Variants in NFASC observed in about 807,000 individuals in gnomAD.
NFASC encodes the protein neurofascin, also known as neurofascin homolog.
Under a neutral mutation model 147.5 loss-of-function variants are expected in NFASC, and 43 were observed. The ratio of observed to expected loss-of-function variants is 0.29; its 90% CI spans 0.23 to 0.38. The LOEUF (loss-of-function observed/expected upper bound fraction) is 0.38. Ranked by LOEUF, NFASC falls within the 10% of genes least tolerant of loss-of-function variation. The pLI is 1.00. For missense variants in NFASC, 1,320 were observed against 1,689.0 expected (o/e 0.78, Z 3.83); for synonymous variants, 622 against 665.5 (o/e 0.93, Z 1.01).
rs548994131 is a variant in NFASC, at chr1:204,867,292, C to T, written c.-200+38510C>T. The stretch of plus-strand genomic sequence containing the variant: ...CCCACACAGAAACAGAAATACAATA[C>T]CCATATCCAGATAGGCATATGTGCC... On this transcript the variant is annotated intron_variant, in intron 1 of 29. Coordinates refer to ENST00000339876, the MANE Select transcript of NFASC (RefSeq NM_001005388.3). Among the ~76,000 whole-genome samples, 721 of 152,098 alleles carry T rather than the reference C, an allele frequency of 4.7e-3. 2 individuals are homozygous for T. Among genetic ancestry groups the T allele is most frequent in the Non-Finnish European group, 8.6e-3 (582 of 67,980 alleles).
intron 3 of NFASC, among the ~76,000 whole-genome samples, chr1:204,947,441 G>A (rs2093822174): frequency 6.6e-6 from 1 of 152,202 alleles, no homozygotes; most frequent in African/African-American, 2.4e-5. Context: ...TGCCCCTTCA[G>A]TGGACATTAT....
At chr1:204,951,038 C>T (rs2149937696) in intron 4 of NFASC, among the ~76,000 whole-genome samples, 1 of 152,220 alleles carries the variant, frequency 6.6e-6, no homozygotes, top group South Asian at 2.1e-4. Context: ...TTTATTCATT[C>T]AACAGACATT....
At chr1:204,848,144 C>G (rs1194046427) in intron 1 of NFASC, among the ~76,000 whole-genome samples, 1 of 152,236 alleles carries the variant, frequency 6.6e-6, no homozygotes, top group Non-Finnish European at 1.5e-5. Context: ...CATCCATTCT[C>G]TGTCCAGGAG....
At chr1:204,957,619 A>G (rs775310324) in intron 7 of NFASC, 37 bp from the exon 8 acceptor site, 1 of 1,603,300 alleles carries the variant, frequency 6.2e-7, no homozygotes, top group Non-Finnish European at 8.5e-7. Context: ...TACTGTTATT[A>G]CTACTAACCT....
intron 8 of NFASC, among the ~76,000 whole-genome samples, chr1:204,962,771 C>T (rs1558269507): frequency 6.6e-6 from 1 of 152,180 alleles, no homozygotes; most frequent in Non-Finnish European, 1.5e-5. Context: ...ACCCTCTCAC[C>T]TAGGCCTCTC....
intron 24 of NFASC, among the ~76,000 whole-genome samples, chr1:204,994,065 C>T (rs1438354356): frequency 1.3e-5 from 2 of 152,194 alleles, no homozygotes; most frequent in East Asian, 3.9e-4. Flanking sequence ...ATAGACACAG[C>T]TAATGAGTGG....
In NFASC at chr1:204,873,702, G is replaced by C. The variant is rs577098353; in HGVS notation, c.-200+44920G>C. 3.9e-5 allele frequency among the ~76,000 whole-genome samples: 6 copies of C among 152,332 alleles called. No homozygotes were observed. In the East Asian group the frequency reaches 1.2e-3, roughly 29 times the overall value. Reference sequence around the variant, plus strand: ...CCATTCTGAGGCAATGAAGAAGCCAGAGAAAAGAGCCCCTCAGTGGGCTTG... The same window carrying C: ...CCATTCTGAGGCAATGAAGAAGCCACAGAAAAGAGCCCCTCAGTGGGCTTG... On this transcript the variant is annotated intron_variant, in intron 1 of 29. Coordinates refer to ENST00000339876, the MANE Select transcript of NFASC (RefSeq NM_001005388.3).
At chr1:204,911,060 T>C (rs976652274) in intron 1 of NFASC, among the ~76,000 whole-genome samples, 7 of 152,232 alleles carry the variant, frequency 4.6e-5, no homozygotes, top group African/African-American at 1.7e-4. Context: ...AGTATAATGT[T>C]ATCTGTCTAT....
At chr1:204,864,211 GCT>G (rs2076935814) in intron 1 of NFASC, among the ~76,000 whole-genome samples, 1 of 151,966 alleles carries the variant, frequency 6.6e-6, no homozygotes, top group Non-Finnish European at 1.5e-5. Context: ...CTTTTTTATT[GCT>G]GAATAATATT....
chr1:205,017,576 C>G lies in NFASC; in HGVS notation c.*1037C>G, dbSNP rs1343519121. On this transcript the variant is annotated 3_prime_UTR_variant, in exon 30 of 30. Coordinates refer to ENST00000339876, the MANE Select transcript of NFASC (RefSeq NM_001005388.3). ...GAGTAGAGGGCACCTGTCCACGTGG[C>G]CAGGGCCCATGCTGCCACCCTCGAG... 2 of 152,712 alleles carry G rather than the reference C, an allele frequency of 1.3e-5. No individual in the cohort carries two copies. The highest frequency in any genetic ancestry group is 2.9e-5 in the Non-Finnish European group (2 of 68,086). 9.5% of individuals were successfully genotyped at this position (152,712 alleles called of 1,614,324 possible).
chr1:204,966,164 A>C (rs1323614983), intron 8 of NFASC, among the ~76,000 whole-genome samples: 1 of 152,142 alleles, frequency 6.6e-6, no homozygotes, highest in Non-Finnish European at 1.5e-5. Context: ...CACATCCTAC[A>C]AATGCAATAT....
chr1:204,997,187 C>T lies in NFASC; in HGVS notation c.2800C>T (p.Pro934Ser). Residue 934 changes from proline (P) to serine (S), a missense_variant, in exon 25 of 30, where the codon CCG becomes TCG. Coordinates refer to ENST00000339876, the MANE Select transcript of NFASC (RefSeq NM_001005388.3). ...CCTCTCAGCTCCTCCCACATTGCCC[C>T]CGACTACCGTGGGTGCGACGGGCGC... ...TPTAAPPTLPPTTVGATGAVS... is the reference protein window; with the variant it reads ...TPTAAPPTLPSTTVGATGAVS... 6.2e-7 allele frequency: 1 copy of T among 1,611,772 alleles called. No homozygotes were observed.
intron 2 of NFASC, 23 bp downstream of exon 2, chr1:204,920,763 G>T: frequency 8.5e-7 from 1 of 1,173,360 alleles, no homozygotes; most frequent in Non-Finnish European, 1.1e-6. Context: ...TGGGCCTGGG[G>T]TATGTGTCAT....
intron 27 of NFASC, among the ~76,000 whole-genome samples, chr1:205,008,084 C>T (rs1020030607): frequency 6.6e-6 from 1 of 152,132 alleles, no homozygotes; most frequent in African/African-American, 2.4e-5. Flanking sequence ...GCAGAGGACA[C>T]GTGTTCATCA....
At position 204,835,752 on chromosome 1, in the gene NFASC, C is replaced by T. The variant is rs550542829; in HGVS notation, c.-200+6970C>T. Among the ~76,000 whole-genome samples, 441 of 152,284 alleles carry T rather than the reference C, an allele frequency of 2.9e-3. 6 individuals carry two copies. The highest frequency in any genetic ancestry group is 0.01 in the African/African-American group (419 of 41,546). The stretch of plus-strand genomic sequence containing the variant: ...GTGCTAGTCTTTACTCTTCTAACCT[C>T]GTTGCACTGCTGTCTCCCTGATTTG... On this transcript the variant is annotated intron_variant, in intron 1 of 29. Transcript: ENST00000339876.
intron 12 of NFASC, among the ~76,000 whole-genome samples, 195 bp from the exon 13 acceptor site, chr1:204,973,984 G>A (rs2095334652): frequency 6.6e-6 from 1 of 152,298 alleles, no homozygotes; most frequent in African/African-American, 2.4e-5. Flanking sequence ...GTAGGTTGAG[G>A]GCAGAGGACG....
At chr1:204,999,721 A>G (rs999575777) in intron 25 of NFASC, 18 of 152,254 alleles carry the variant, frequency 1.2e-4, no homozygotes, top group Admixed American at 9.2e-4. Flanking sequence ...GTTGTAGTGC[A>G]GAAGGCACCT....
Position 205,009,540 on chromosome 1 carries a change from C to G in NFASC, c.3290-17C>G, listed in dbSNP as rs767023227. ...CATGAAATCATTCACGGGTTTGCTT[C>G]CGGCCCTCCCCGCCAGCTTACACCA... On this transcript the variant is annotated splice_polypyrimidine_tract_variant and intron_variant, in intron 27 of 29. Transcript: ENST00000339876. 1.2e-6 allele frequency: 2 copies of G among 1,613,754 alleles called. No homozygotes were observed. The highest frequency in any genetic ancestry group is 2.2e-5 in the South Asian group (2 of 91,076).
Position 204,954,293 on chromosome 1 carries a change from G to A in NFASC, c.321G>A (p.Gly107=), listed in dbSNP as rs1322353236. The A allele has an allele frequency of 3.7e-6, 6 of 1,614,194 alleles. No individual in the cohort carries two copies. The Admixed American group carries it at 1.0e-4, about 27-fold the overall frequency. The change falls in exon 6 of 30, where the codon GGG becomes GGA. Residue 107 remains glycine (G), a synonymous_variant. Transcript: ENST00000339876. The surrounding 1 kb of genome is among the most constrained non-coding windows in gnomAD (Gnocchi z 5.7). ...GTLVIDFRSG[G]RPEEYEGEYQ... ...TGGTGATTGACTTCCGCAGTGGCGG[G>A]CGGCCGGAGGAATATGAGGGGGAAT... is the stretch of plus-strand genomic sequence containing the variant.
Sources: gnomAD v4.1 joint callset for allele counts (sites outside exome capture counted in the v4.1 genomes callset) on GRCh38, gnomAD v4.1.1 for gene constraint, Gnocchi (gnomAD v3.1) non-coding constraint, MANE v1.5 for transcripts, NCBI Gene and HGNC (gene_info 2026-07-23, HGNC 2026-07-21) for gene names.